The following KCTD4 variants were observed in gnomAD, a reference collection of about 807,000 sequenced individuals.
KCTD4 encodes potassium channel tetramerization domain containing 4, also known as BTB/POZ domain-containing protein KCTD4.
A neutral mutation model predicts 18.3 loss-of-function variants in KCTD4; 12 were observed. The observed-to-expected ratio is 0.66, with a 90% CI of 0.42 to 1.06. The LOEUF is 1.06. KCTD4 is among the 50% of genes least tolerant of loss of function. The probability of loss-of-function intolerance (pLI) is 0.00; values close to 1 mark genes in which losing one functional copy is unlikely to be tolerated. For missense variants in KCTD4, 250 were observed against 303.4 expected (o/e 0.82, Z 1.31); for synonymous variants, 124 against 110.5 (o/e 1.12, Z -0.76).
chr13:45,197,007 TTGTGCCTCTTCTCCTTGA>T (rs1872927942), intron 1 of KCTD4, among the ~76,000 whole-genome samples: 2 of 151,958 alleles, frequency 1.3e-5, no homozygotes, highest in Admixed American at 1.3e-4. Context: ...CCATTCCATC[TTGTGCCTCTTCTCCTTGA>T]TTGTTTTTTC....
At chr13:45,198,375 C>G (rs1217817609) in intron 1 of KCTD4, among the ~76,000 whole-genome samples, 2 of 152,198 alleles carry the variant, frequency 1.3e-5, no homozygotes, top group Non-Finnish European at 2.9e-5. Context: ...TGAAACCTTA[C>G]CAGGAGGTTA....
chr13:45,197,383 T>C (rs929698196), intron 1 of KCTD4, among the ~76,000 whole-genome samples: 10 of 150,746 alleles, frequency 6.6e-5, no homozygotes, highest in Non-Finnish European at 1.3e-4. Flanking sequence ...TTGGTGTATG[T>C]CTGTAGTCCC....
chr13:45,193,881 CATGATAGCCTCA>C lies in KCTD4; in HGVS notation c.675_686del (p.Phe225_Met229delinsLeu). On this transcript the variant is annotated inframe_deletion, in exon 2 of 2. Transcript: ENST00000379108. The stretch of plus-strand genomic sequence containing the variant: ...GTCTAAAGCCACACTTTAAAGCCAT[CATGATAGCCTCA>C]AACTTAAGAGTTTCCAAGGTACAGA... 6.2e-7 allele frequency: 1 copy of C among 1,614,114 alleles called. No homozygotes were observed. Among genetic ancestry groups the C allele is most frequent in the Non-Finnish European group, 8.5e-7 (1 of 1,179,988 alleles).
Position 45,194,148 on chromosome 13 carries a change from A to G in KCTD4, c.420T>C (p.Thr140=). 6.2e-7 allele frequency: 1 copy of G among 1,614,114 alleles called. No homozygotes were observed. Among genetic ancestry groups the G allele is most frequent in the African/African-American group, 1.3e-5 (1 of 75,044 alleles). The change falls in exon 2 of 2, where the codon ACT becomes ACC. Residue 140 remains threonine, a synonymous_variant. Transcript: ENST00000379108. ...GGTTATCTGTTATTTCCAAGAAAGT[A>G]GTCTCTCTGGGTGTTAGCTGTTCTT... ...WEKEQLTPRE[T]TFLEITDNHD...
Position 45,194,693 on chromosome 13 carries a change from G to T in KCTD4, c.-126C>A, listed in dbSNP as rs901286870. On this transcript the variant is annotated 5_prime_UTR_variant, in exon 2 of 2. Transcript: ENST00000379108. ...ATGGAATGGAAACGCTGGCAGCATC[G>T]CCTGCGCTGTCAGCTCGGTTTTGCA... 2 of 848,916 alleles carry T rather than the reference G, an allele frequency of 2.4e-6. No homozygotes were observed. Among genetic ancestry groups the T allele is most frequent in the South Asian group, 1.7e-5 (1 of 57,962 alleles). The allele number at this position is 848,916 out of a possible 1,614,324, so 52.6% of individuals were successfully genotyped here. A position where few individuals can be genotyped will look rare whatever the true frequency, so the allele number is the denominator to read the frequency against.
At position 45,194,602 on chromosome 13, in the gene KCTD4, G is replaced by C; in HGVS notation, c.-35C>G. On this transcript the variant is annotated 5_prime_UTR_variant, in exon 2 of 2. Transcript: ENST00000379108. ...ATGCTATTTCAGCTTGTTCTTCTTGGCTTTGAGATTTTTTAAAAAGAGACA... is the reference window on the plus strand; with the variant it reads ...ATGCTATTTCAGCTTGTTCTTCTTGCCTTTGAGATTTTTTAAAAAGAGACA... The C allele has an allele frequency of 1.3e-6, 2 of 1,567,570 alleles. No individual in the cohort carries two copies. Among genetic ancestry groups the C allele is most frequent in the South Asian group, 2.4e-5 (2 of 84,116 alleles).
Position 45,194,075 on chromosome 13 carries a change from T to C in KCTD4, c.493A>G (p.Ile165Val), listed in dbSNP as rs1310926572. Residue 165 changes from isoleucine to valine, a missense_variant, in exon 2 of 2, where the codon ATA becomes GTA. Transcript: ENST00000379108. ...ACAATGCGAGACTTTATTTTTGATA[T>C]GAAATCAGGAGCATTACAGAAGATT... is the stretch of plus-strand genomic sequence containing the variant. ...LRIFCNAPDF[I>V]SKIKSRIVLV... The C allele has an allele frequency of 4.3e-6, 7 of 1,614,164 alleles. No individual in the cohort carries two copies. The highest frequency in any genetic ancestry group is 5.1e-6 in the Non-Finnish European group (6 of 1,180,014).
rs2138172089 is a variant in KCTD4 at position 45,193,561 on chromosome 13, G to A, written c.*227C>T. On this transcript the variant is annotated 3_prime_UTR_variant, in exon 2 of 2. Transcript: ENST00000379108. ...CAGTCTTTATTTACAGTATATAGAAGGTTACTGTTTTCATTTTAGGTGGAA... is the reference window on the plus strand; with the variant it reads ...CAGTCTTTATTTACAGTATATAGAAAGTTACTGTTTTCATTTTAGGTGGAA... 4.1e-6 allele frequency: 2 copies of A among 483,806 alleles called. No individual in the cohort carries two copies. Among genetic ancestry groups the A allele is most frequent in the East Asian group, 3.1e-5 (1 of 32,496 alleles). The allele number at this position is 483,806 out of a possible 1,614,324, so 30.0% of individuals were successfully genotyped here. A position where few individuals can be genotyped will look rare whatever the true frequency, so the allele number is the denominator to read the frequency against.
chr13:45,198,560 G>A (rs991847491), intron 1 of KCTD4, among the ~76,000 whole-genome samples: 6 of 152,136 alleles, frequency 3.9e-5, no homozygotes, highest in Admixed American at 2.0e-4. Context: ...CTTGGTTGTT[G>A]TCAGCTGCAT....
In KCTD4 at chr13:45,194,345, C is replaced by T; in HGVS notation, c.223G>A (p.Gly75Ser). ...GKILCPFDAD[G>S]HYFIDRDGLL... ...CCATCCCTGTCTATGAAATAATGAC[C>T]ATCAGCATCAAACGGGCAGAGGATT... Residue 75 changes from glycine to serine, a missense_variant, in exon 2 of 2, where the codon GGT (glycine) becomes AGT (serine). By Grantham distance (56) the Gly-to-Ser change is moderately conservative. Transcript: ENST00000379108. 2 of 1,614,114 alleles carry T rather than the reference C, an allele frequency of 1.2e-6. No individual in the cohort carries two copies. The highest frequency in any genetic ancestry group is 2.2e-5 in the East Asian group (1 of 44,882).
intron 1 of KCTD4, among the ~76,000 whole-genome samples, chr13:45,199,433 G>A (rs541096450): frequency 1.1e-4 from 17 of 152,292 alleles, no homozygotes; most frequent in African/African-American, 4.1e-4. Flanking sequence ...TGTTTTACAT[G>A]TACTTTGGAA....
chr13:45,196,657 A>C (rs1421137680), intron 1 of KCTD4, among the ~76,000 whole-genome samples: 3 of 152,224 alleles, frequency 2.0e-5, no homozygotes, highest in Admixed American at 1.3e-4. Context: ...ACATAACTGT[A>C]GTATAGTGAT....
chr13:45,199,277 A>G (rs1282249879), intron 1 of KCTD4, among the ~76,000 whole-genome samples: 1 of 152,240 alleles, frequency 6.6e-6, no homozygotes, highest in Non-Finnish European at 1.5e-5. Flanking sequence ...TTTGAGGAGT[A>G]TAGAAAAACA....
intron 1 of KCTD4, among the ~76,000 whole-genome samples, 38 bp downstream of exon 1, chr13:45,200,786 A>C (rs1873143900): frequency 6.6e-6 from 1 of 152,238 alleles, no homozygotes. Flanking sequence ...AAAGGAGACT[A>C]CTAGGAATAT....
intron 1 of KCTD4, among the ~76,000 whole-genome samples, chr13:45,196,843 G>A (rs1473117439): frequency 6.6e-6 from 1 of 152,176 alleles, no homozygotes; most frequent in African/African-American, 2.4e-5. Context: ...GCAGGAGTGA[G>A]TCAGGACAGC....
chr13:45,199,469 T>C (rs1000462647), intron 1 of KCTD4, among the ~76,000 whole-genome samples: 2 of 152,160 alleles, frequency 1.3e-5, no homozygotes, highest in Non-Finnish European at 2.9e-5. Flanking sequence ...GAAACCTGTG[T>C]TTTATAATTT....
chr13:45,193,943 C>G lies in KCTD4; in HGVS notation c.625G>C (p.Val209Leu), dbSNP rs1264676958. 8 of 1,614,084 alleles carry G rather than the reference C, an allele frequency of 5.0e-6. No homozygotes were observed. Among genetic ancestry groups the G allele is most frequent in the Non-Finnish European group, 6.8e-6 (8 of 1,180,000 alleles). Residue 209 changes from valine to leucine, a missense_variant, in exon 2 of 2, where the codon GTA becomes CTA. Transcript: ENST00000379108. ...ACAAAGGTGTTGTCTTCCTTTAGTA[C>G]AAGTCGAGTGCCATTTTCAGACTTT... is the stretch of plus-strand genomic sequence containing the variant. Reference protein sequence around the residue: ...FIKSENGTRLVLKEDNTFVCT... With the variant: ...FIKSENGTRLLLKEDNTFVCT...
chr13:45,194,775 G>T, intron 1 of KCTD4, 21 bp from the exon 2 acceptor site: 1 of 569,458 alleles, frequency 1.8e-6, no homozygotes, highest in Admixed American at 3.3e-5. Context: ...ACGGAAAAGA[G>T]AATTTGCATT....
Position 45,193,780 on chromosome 13 carries a change from A to G in KCTD4, c.*8T>C, listed in dbSNP as rs1872751187. 3.8e-6 allele frequency: 6 copies of G among 1,561,782 alleles called. No homozygotes were observed. Among genetic ancestry groups the G allele is most frequent in the South Asian group, 1.2e-5 (1 of 83,036 alleles). On this transcript the variant is annotated 3_prime_UTR_variant, in exon 2 of 2. Coordinates refer to ENST00000379108, the MANE Select transcript of KCTD4 (RefSeq NM_198404.3). ...CATGCTTGTTGCCTTTGTTCGTGAC[A>G]CAGGTAATTACTTGATAAAATGAAG...
Sources: gnomAD v4.1 joint callset for allele counts (sites outside exome capture counted in the v4.1 genomes callset) on GRCh38, gnomAD v4.1.1 for gene constraint, MANE v1.5 for transcripts, NCBI Gene and HGNC (gene_info 2026-07-23, HGNC 2026-07-21) for gene names.